CDYL2: variants seen among roughly 807,000 people sequenced by gnomAD.
CDYL2 encodes the protein chromodomain Y-like protein 2.
Under a neutral mutation model 49.4 loss-of-function variants are expected in CDYL2, and 23 were observed. That is an observed-to-expected ratio of 0.47 (90% CI 0.34 to 0.66). CDYL2 has a LOEUF of 0.66. Ranked by LOEUF, CDYL2 falls within the 30% of genes least tolerant of loss-of-function variation. CDYL2 has a pLI of 0.01. For synonymous variants in CDYL2, 360 were observed against 268.8 expected (o/e 1.34, Z -3.32); for missense variants, 678 against 656.4 (o/e 1.03, Z -0.36).
At chr16:80,757,102 G>T (rs988490133) in intron 1 of CDYL2, among the ~76,000 whole-genome samples, 3 of 152,066 alleles carry the variant, frequency 2.0e-5, no homozygotes, top group Non-Finnish European at 4.4e-5. Context: ...GCAAGTAAAA[G>T]AAATAAGAGC....
chr16:80,785,141 C>T (rs911142304), intron 1 of CDYL2, among the ~76,000 whole-genome samples: 57 of 151,976 alleles, frequency 3.8e-4, no homozygotes, highest in African/African-American at 1.3e-3. Flanking sequence ...GTTCATAAAG[C>T]GTATTCAAAT....
At chr16:80,613,175 T>G (rs769443314) in intron 4 of CDYL2, among the ~76,000 whole-genome samples, 2 of 151,936 alleles carry the variant, frequency 1.3e-5, no homozygotes, top group Admixed American at 1.3e-4. Flanking sequence ...TTTCTATATA[T>G]CCTAAGGAAG....
At chr16:80,789,402 C>A (rs1212957655) in intron 1 of CDYL2, among the ~76,000 whole-genome samples, 1 of 152,118 alleles carries the variant, frequency 6.6e-6, no homozygotes, top group Non-Finnish European at 1.5e-5. Flanking sequence ...GAGTTCAAGA[C>A]CAGCCTGGCC....
Position 80,721,518 on chromosome 16 carries a change from G to C in CDYL2, c.25-36389C>G, listed in dbSNP as rs1185920519. ...ATCATGACTCTCCAAACTGCTTCTTGAGCTCTGGGTTCTGCCTTGTCTGCA... is the reference window on the plus strand; with the variant it reads ...ATCATGACTCTCCAAACTGCTTCTTCAGCTCTGGGTTCTGCCTTGTCTGCA... On this transcript the variant is annotated intron_variant, in intron 1 of 6. Coordinates refer to ENST00000570137, the MANE Select transcript of CDYL2 (RefSeq NM_152342.4). Among the ~76,000 whole-genome samples the C allele has an allele frequency of 6.6e-5, 10 of 152,126 alleles. 1 individual carries two copies. The highest frequency in any genetic ancestry group is 4.6e-4 in the Admixed American group (7 of 15,278).
chr16:80,679,398 T>C lies in CDYL2; in HGVS notation c.616+5140A>G, dbSNP rs895660080. ...GTCAGTAATCAGGGCTTGGGGAAAT[T>C]CTACTGCCTGGAATCCAGCTGGGCC... On this transcript the variant is annotated intron_variant, in intron 2 of 6. Transcript: ENST00000570137. Among the ~76,000 whole-genome samples, 24 of 152,190 alleles carry C rather than the reference T, an allele frequency of 1.6e-4. 1 individual carries two copies. The highest frequency in any genetic ancestry group is 6.8e-3 in the Middle Eastern group (2 of 294).
At chr16:80,759,162 A>ATATATATATGGTTTT (rs1906441587) in intron 1 of CDYL2, among the ~76,000 whole-genome samples, 2 of 118,522 alleles carry the variant, frequency 1.7e-5, no homozygotes, top group African/African-American at 7.1e-5. Context: ...TATATGGTTT[A>ATATATATATGGTTTT]TATATATATA....
chr16:80,790,159 C>G (rs1269940349), intron 1 of CDYL2, among the ~76,000 whole-genome samples: 1 of 152,068 alleles, frequency 6.6e-6, no homozygotes, highest in African/African-American at 2.4e-5. Context: ...TATGCAACAC[C>G]TAGGATCAGA....
intron 5 of CDYL2, among the ~76,000 whole-genome samples, chr16:80,611,296 G>C (rs1906583919): frequency 6.6e-6 from 1 of 152,202 alleles, no homozygotes; most frequent in African/African-American, 2.4e-5. Context: ...AGAGGAAAAA[G>C]GGAGCTGACT....
chr16:80,643,855 G>T (rs1908214512), intron 2 of CDYL2, among the ~76,000 whole-genome samples: 1 of 152,202 alleles, frequency 6.6e-6, no homozygotes, highest in Non-Finnish European at 1.5e-5. Flanking sequence ...TGATGGGAGG[G>T]TCTGCTGTGA....
intron 1 of CDYL2, among the ~76,000 whole-genome samples, chr16:80,799,752 T>G (rs1907870197): frequency 6.6e-6 from 1 of 152,226 alleles, no homozygotes; most frequent in East Asian, 1.9e-4. Flanking sequence ...AGCTGATGCC[T>G]GCCCAGAGGG....
chr16:80,626,688 T>C (rs1055413026), intron 3 of CDYL2, among the ~76,000 whole-genome samples: 4 of 152,094 alleles, frequency 2.6e-5, no homozygotes, highest in African/African-American at 9.7e-5. Context: ...ACAGAAGAGA[T>C]GATAAGTGAG....
At chr16:80,742,523 T>G (rs1013836086) in intron 1 of CDYL2, among the ~76,000 whole-genome samples, 1 of 148,286 alleles carries the variant, frequency 6.7e-6, no homozygotes, top group Non-Finnish European at 1.5e-5. Context: ...AACGAATGAA[T>G]AGATGGATGA....
At chr16:80,661,907 A>T (rs1909060440) in intron 2 of CDYL2, among the ~76,000 whole-genome samples, 1 of 152,060 alleles carries the variant, frequency 6.6e-6, no homozygotes, top group South Asian at 2.1e-4. Context: ...CCTAGAGGAC[A>T]CCGCATGCTT....
Position 80,728,638 on chromosome 16 carries a change from A to C in CDYL2, c.25-43509T>G, listed in dbSNP as rs944548388. ...CTCAAGAAGAGCAACTCCAAGACACATAATTGTCAGATTCACCAAAGTTGA... is the reference window on the plus strand; with the variant it reads ...CTCAAGAAGAGCAACTCCAAGACACCTAATTGTCAGATTCACCAAAGTTGA... On this transcript the variant is annotated intron_variant, in intron 1 of 6. Transcript: ENST00000570137. Among the ~76,000 whole-genome samples the C allele has an allele frequency of 2.0e-5, 3 of 151,618 alleles. No individual in the cohort carries two copies. The East Asian group carries it at 5.8e-4, about 29-fold the overall frequency.
chr16:80,607,064 G>A (rs1906369905), intron 6 of CDYL2, among the ~76,000 whole-genome samples: 1 of 152,184 alleles, frequency 6.6e-6, no homozygotes, highest in Non-Finnish European at 1.5e-5. Context: ...CCCAGACAAG[G>A]TGGGGCAAAT....
chr16:80,779,419 T>A (rs1281542177), intron 1 of CDYL2, among the ~76,000 whole-genome samples: 1 of 152,110 alleles, frequency 6.6e-6, no homozygotes, highest in Non-Finnish European at 1.5e-5. Flanking sequence ...AGCAATATCC[T>A]TCCTGGATGG....
intron 2 of CDYL2, among the ~76,000 whole-genome samples, chr16:80,677,740 AAAAAAT>A (rs1289052111): frequency 1.4e-5 from 2 of 147,506 alleles, no homozygotes; most frequent in African/African-American, 4.9e-5. Flanking sequence ...CTCCATCTCA[AAAAAAT>A]AAAAATAAAA....
chr16:80,668,262 T>A (rs1206647239), intron 2 of CDYL2, among the ~76,000 whole-genome samples: 2 of 152,200 alleles, frequency 1.3e-5, no homozygotes, highest in Non-Finnish European at 2.9e-5. Flanking sequence ...CAAGGTGTTC[T>A]CACCACCTTC....
intron 2 of CDYL2, among the ~76,000 whole-genome samples, chr16:80,633,556 C>G (rs115875683): frequency 5.0e-4 from 76 of 152,338 alleles, no homozygotes; most frequent in African/African-American, 1.7e-3. Flanking sequence ...AGAGGCAGCC[C>G]TCTCCACTGG....
Sources: allele counts gnomAD v4.1 joint callset (sites outside exome capture counted in the v4.1 genomes callset), GRCh38; gene constraint gnomAD v4.1.1; transcripts MANE v1.5; gene names NCBI Gene and HGNC (gene_info 2026-07-23, HGNC 2026-07-21).